DMD: variants seen among roughly 807,000 people sequenced by gnomAD.
DMD encodes mutant dystrophin.
DMD carries 63 observed loss-of-function variants against 330.1 expected under a neutral mutation model. The ratio of observed to expected loss-of-function variants is 0.19; its 90% confidence interval spans 0.16 to 0.24. DMD has a LOEUF of 0.24. Among genes scored for constraint, DMD ranks in the 10% least tolerant of loss-of-function variants. The pLI is 1.00. For synonymous variants in DMD, 1,223 were observed against 959.8 expected (o/e 1.27, Z -5.07); for missense variants, 3,344 against 2,684.1 (o/e 1.25, Z -5.43).
At chrX:32,764,848 T>A (rs2072768070) in intron 7 of DMD, among the ~76,000 whole-genome samples, 1 of 111,353 alleles carries the variant, frequency 9.0e-6, no homozygotes, top group African/African-American at 3.3e-5. Context: ...TTCTATATTT[T>A]GAGAAACCAA....
intron 72 of DMD, among the ~76,000 whole-genome samples, chrX:31,172,923 C>T (rs1006981556): frequency 5.4e-5 from 6 of 111,752 alleles, no homozygotes; most frequent in Non-Finnish European, 9.4e-5. Flanking sequence ...TCTTCTTCAC[C>T]TCAGGCAATT....
At chrX:31,773,385 C>T (rs1056083467) in intron 51 of DMD, among the ~76,000 whole-genome samples, 3 of 111,903 alleles carry the variant, frequency 2.7e-5, no homozygotes, top group Non-Finnish European at 5.6e-5. Context: ...AAAACATGTT[C>T]ATTTGAACAT....
At chrX:32,787,286 A>G (rs762503668) in intron 7 of DMD, among the ~76,000 whole-genome samples, 57 of 103,095 alleles carry the variant, frequency 5.5e-4, no homozygotes, top group African/African-American at 2.0e-3. Flanking sequence ...GAGAGAGAGA[A>G]CCACTCTGAG....
intron 1 of DMD, among the ~76,000 whole-genome samples, chrX:33,033,319 G>A (rs2094146341): frequency 9.1e-6 from 1 of 109,375 alleles, no homozygotes; most frequent in Non-Finnish European, 1.9e-5. Context: ...ACTACACCGA[G>A]AACACGTCCC....
chrX:31,798,880 G>A (rs1241366366), intron 50 of DMD, among the ~76,000 whole-genome samples: 1 of 111,849 alleles, frequency 8.9e-6, no homozygotes, highest in African/African-American at 3.2e-5. Flanking sequence ...GTTTGGATGA[G>A]ACTTTTTATC....
At chrX:31,620,196 G>T (rs1188148911) in intron 55 of DMD, among the ~76,000 whole-genome samples, 2 of 111,014 alleles carry the variant, frequency 1.8e-5, no homozygotes, top group Non-Finnish European at 3.8e-5. Context: ...TAGATTCATG[G>T]GTAGAACATG....
rs193092501 is a variant in DMD, at chrX:32,008,149, G to T, written c.6439-39635C>A. Among the ~76,000 whole-genome samples, 372 of 111,252 alleles carry T rather than the reference G, an allele frequency of 3.3e-3. 4 individuals are homozygous for T. The highest frequency in any genetic ancestry group is 0.011 in the African/African-American group (333 of 30,624). On this transcript the variant is annotated intron_variant, in intron 44 of 78. Coordinates refer to ENST00000357033, the MANE Select transcript of DMD (RefSeq NM_004006.3). ...ATGCCCTCAGTAAGCAGGGCAGCTT[G>T]CATCCCTGAGAAGTAAATGAGTATA...
chrX:32,307,012 A>G (rs912662036), intron 42 of DMD, among the ~76,000 whole-genome samples: 3 of 111,715 alleles, frequency 2.7e-5, no homozygotes, highest in Non-Finnish European at 5.7e-5. Flanking sequence ...GAGCAGCAGA[A>G]TCACTTGAAG....
chrX:32,313,621 G>A (rs988009167), intron 41 of DMD, among the ~76,000 whole-genome samples: 8 of 111,533 alleles, frequency 7.2e-5, no homozygotes, highest in African/African-American at 2.3e-4. Context: ...ATCTCTGTTT[G>A]CAGATGACAT....
intron 55 of DMD, among the ~76,000 whole-genome samples, chrX:31,601,370 A>T (rs1569553928): frequency 8.9e-6 from 1 of 112,373 alleles, no homozygotes; most frequent in Admixed American, 9.5e-5. Context: ...TATCAGACTT[A>T]TCCAGTGTTA....
At chrX:32,397,042 A>T (rs1927570208) in intron 30 of DMD, among the ~76,000 whole-genome samples, 1 of 111,650 alleles carries the variant, frequency 9.0e-6, no homozygotes, top group Non-Finnish European at 1.9e-5. Flanking sequence ...ACTCATAAAA[A>T]AAGACAATGT....
intron 7 of DMD, among the ~76,000 whole-genome samples, chrX:32,710,589 T>A (rs2065098378): frequency 9.0e-6 from 1 of 111,463 alleles, no homozygotes; most frequent in Admixed American, 9.6e-5. Flanking sequence ...GTTTTATTCA[T>A]TGTTCTAAAC....
chrX:32,500,297 T>C (rs752996241), intron 19 of DMD, among the ~76,000 whole-genome samples: 1 of 111,801 alleles, frequency 8.9e-6, no homozygotes, highest in Non-Finnish European at 1.9e-5. Flanking sequence ...ACCTACTATG[T>C]GTCCTGACTT....
At chrX:32,248,596 C>A (rs370785276) in intron 43 of DMD, among the ~76,000 whole-genome samples, 1 of 98,982 alleles carries the variant, frequency 1.0e-5, no homozygotes, top group African/African-American at 3.6e-5. Context: ...GGCACTATTC[C>A]AAAAAAAAAA....
chrX:33,231,615 T>C (rs1033224398), intron 1 of DMD, among the ~76,000 whole-genome samples: 1 of 111,509 alleles, frequency 9.0e-6, no homozygotes, highest in African/African-American at 3.3e-5. Flanking sequence ...GTGAATGGGC[T>C]TAAAGAAACC....
chrX:31,408,708 T>C (rs2061508860), intron 60 of DMD, among the ~76,000 whole-genome samples: 1 of 81,789 alleles, frequency 1.2e-5, no homozygotes, highest in Non-Finnish European at 2.2e-5. Context: ...CTCTTTGAAC[T>C]TTTTTTTGTT....
intron 16 of DMD, among the ~76,000 whole-genome samples, chrX:32,552,800 A>T (rs1209572379): frequency 1.8e-5 from 2 of 112,198 alleles, no homozygotes; most frequent in Non-Finnish European, 3.8e-5. Context: ...TACAGAAAAC[A>T]TTCATATGAA....
intron 54 of DMD, among the ~76,000 whole-genome samples, chrX:31,628,421 G>A (rs760953255): frequency 1.8e-5 from 2 of 110,633 alleles, no homozygotes; most frequent in African/African-American, 6.6e-5. Context: ...AAAAAGAAGG[G>A]GATTGGAGGG....
intron 42 of DMD, among the ~76,000 whole-genome samples, chrX:32,299,548 T>C (rs185738114): frequency 2.7e-5 from 3 of 109,486 alleles, no homozygotes; most frequent in African/African-American, 6.6e-5. Context: ...TGACTTTGTA[T>C]CTTTAACTTT....
Sources: allele counts gnomAD v4.1 joint callset (sites outside exome capture counted in the v4.1 genomes callset), GRCh38; gene constraint gnomAD v4.1.1; transcripts MANE v1.5; gene names NCBI Gene and HGNC (gene_info 2026-07-23, HGNC 2026-07-21).